Variants in MYO1E observed in about 807,000 individuals in gnomAD.
MYO1E encodes unconventional myosin-Ie.
MYO1E carries 68 observed loss-of-function variants against 151.1 expected under a neutral mutation model. That is an observed-to-expected ratio of 0.45 (90% CI 0.37 to 0.55). The LOEUF is 0.55. Ranked by LOEUF, MYO1E falls within the 20% of genes least tolerant of loss-of-function variation. The pLI, the probability that MYO1E is intolerant of heterozygous loss-of-function variation, is 0.00. For missense variants in MYO1E, 1,363 were observed against 1,389.3 expected (o/e 0.98, Z 0.30); for synonymous variants, 601 against 501.7 (o/e 1.20, Z -2.64).
chr15:59,143,583 C>T (rs2079423678), intron 26 of MYO1E, among the ~76,000 whole-genome samples: 1 of 152,174 alleles, frequency 6.6e-6, no homozygotes, highest in Non-Finnish European at 1.5e-5. Flanking sequence ...TGGGAAACTG[C>T]CGGTAGCTGT....
chr15:59,355,870 G>A (rs886557734), intron 1 of MYO1E, among the ~76,000 whole-genome samples: 11 of 152,062 alleles, frequency 7.2e-5, no homozygotes, highest in Middle Eastern at 3.4e-3. Flanking sequence ...CACACACCAC[G>A]ATGTCTGGCT....
intron 1 of MYO1E, among the ~76,000 whole-genome samples, chr15:59,363,078 C>T (rs1441916265): frequency 6.6e-6 from 1 of 151,630 alleles, no homozygotes; most frequent in African/African-American, 2.4e-5. Context: ...CAGGCTCACG[C>T]CATTCTCCCA....
rs373610680 is a variant in MYO1E at position 59,171,919 on chromosome 15, G to A, written c.2458C>T (p.Arg820Trp). ...CACCTGAGGGACACAGACAAGATCC[G>A]TTCTATCTCGATTTTCCGCTTCAGG... Reference protein sequence around the residue: ...EVLKRKIEIERILSVSLSTMQ... With the variant: ...EVLKRKIEIEWILSVSLSTMQ... The change falls in exon 22 of 28, where the codon CGG becomes TGG. Residue 820 changes from arginine to tryptophan, a missense_variant. Physicochemically the swap from Arg to Trp is moderately radical, Grantham distance 101 (BLOSUM62 -3). Transcript: ENST00000288235. 19 of 1,614,076 alleles carry A rather than the reference G, an allele frequency of 1.2e-5. No individual in the cohort carries two copies. Among genetic ancestry groups the A allele is most frequent in the African/African-American group, 6.7e-5 (5 of 74,930 alleles).
chr15:59,183,112 C>T (rs1468459890), intron 18 of MYO1E, among the ~76,000 whole-genome samples: 1 of 151,952 alleles, frequency 6.6e-6, no homozygotes, highest in Non-Finnish European at 1.5e-5. Context: ...CCTAACAGGC[C>T]ACAGACCAGT....
Position 59,138,186 on chromosome 15 carries a change from C to T in MYO1E, c.3250+12G>A, listed in dbSNP as rs375328721. The T allele has an allele frequency of 6.2e-7, 1 of 1,613,952 alleles. No individual in the cohort carries two copies. Among genetic ancestry groups the T allele is most frequent in the Non-Finnish European group, 8.5e-7 (1 of 1,179,958 alleles). On this transcript the variant is annotated intron_variant, in intron 27 of 27. Transcript: ENST00000288235. ...TTGGGAGGCTGTCCCAGCCAACCAG[C>T]CACACACTTACCTTCTTTGATAATA... is the stretch of plus-strand genomic sequence containing the variant.
chr15:59,221,366 T>G (rs2079955159), intron 9 of MYO1E, among the ~76,000 whole-genome samples: 1 of 151,964 alleles, frequency 6.6e-6, no homozygotes, highest in Non-Finnish European at 1.5e-5. Context: ...AAGCCCCCAA[T>G]ATTGCACAAA....
rs10717159 is a variant in MYO1E, at chr15:59,324,663, G to GCC, written c.3+47833_3+47834dup. Among the ~76,000 whole-genome samples the GCC allele has an allele frequency of 1.2e-3, 177 of 148,052 alleles. 1 individual carries two copies. Among genetic ancestry groups the GCC allele is most frequent in the African/African-American group, 1.5e-3 (61 of 39,442 alleles). On this transcript the variant is annotated intron_variant, in intron 1 of 27. Coordinates refer to ENST00000288235, the MANE Select transcript of MYO1E (RefSeq NM_004998.4). ...CTCGCCGTATTTATCCCCATCCCAA[G>GCC]CCCCCCCCCCACAGAGGGCAGCATA...
At chr15:59,191,370 A>AGAGAGAGAGAGAGAG (rs1491073271) in intron 17 of MYO1E, among the ~76,000 whole-genome samples, 67 of 123,370 alleles carry the variant, frequency 5.4e-4, no homozygotes, top group African/African-American at 1.4e-3. Flanking sequence ...GAGAGAGAGA[A>AGAGAGAGAGAGAGAG]AGAAATGTCA....
At chr15:59,369,580 C>T (rs1380945263) in intron 1 of MYO1E, among the ~76,000 whole-genome samples, 1 of 152,152 alleles carries the variant, frequency 6.6e-6, no homozygotes, top group Non-Finnish European at 1.5e-5. Context: ...TTGTACTCTG[C>T]TAAACAACCT....
At chr15:59,156,250 T>A (rs1331573122) in intron 25 of MYO1E, among the ~76,000 whole-genome samples, 1 of 152,216 alleles carries the variant, frequency 6.6e-6, no homozygotes, top group Admixed American at 6.5e-5. Flanking sequence ...AGTGGTGTGA[T>A]CTCAGCTCAC....
At chr15:59,216,829 T>C (rs2079921907) in intron 10 of MYO1E, among the ~76,000 whole-genome samples, 1 of 151,578 alleles carries the variant, frequency 6.6e-6, no homozygotes, top group Non-Finnish European at 1.5e-5. Context: ...TCCCCTTAAG[T>C]GTGATCTTTG....
intron 4 of MYO1E, among the ~76,000 whole-genome samples, chr15:59,242,691 G>C (rs564818293): frequency 6.6e-6 from 1 of 152,176 alleles, no homozygotes; most frequent in Non-Finnish European, 1.5e-5. Flanking sequence ...ATGTTGTCAT[G>C]ATCTGAGAAT....
At position 59,173,493 on chromosome 15, in the gene MYO1E, C is replaced by T. The variant is rs183289322; in HGVS notation, c.2334+253G>A. On this transcript the variant is annotated intron_variant, in intron 21 of 27. Transcript: ENST00000288235. Reference sequence around the variant, plus strand: ...ATAAAACAGCATGTAATGTATATCTCATTTTTTGTAAAACTAAATACGCAA... The same window carrying T: ...ATAAAACAGCATGTAATGTATATCTTATTTTTTGTAAAACTAAATACGCAA... 3.5e-4 allele frequency among the ~76,000 whole-genome samples: 53 copies of T among 152,292 alleles called. No individual in the cohort carries two copies. In the East Asian group the frequency reaches 6.7e-3, roughly 19 times the overall value.
At chr15:59,296,065 T>C (rs1217892117) in intron 1 of MYO1E, among the ~76,000 whole-genome samples, 2 of 152,034 alleles carry the variant, frequency 1.3e-5, no homozygotes, top group African/African-American at 4.8e-5. Context: ...TTTCTAAGCA[T>C]ACTAAAAGGT....
Position 59,153,735 on chromosome 15 carries a change from C to T in MYO1E, c.2935G>A (p.Gly979Arg), listed in dbSNP as rs1160727208. 4.3e-6 allele frequency: 7 copies of T among 1,614,016 alleles called. No individual in the cohort carries two copies. The highest frequency in any genetic ancestry group is 1.7e-5 in the Admixed American group (1 of 59,998). The change falls in exon 26 of 28, where the codon GGA becomes AGA. Residue 979 changes from glycine (G) to arginine (R), a missense_variant. Coordinates refer to ENST00000288235, the MANE Select transcript of MYO1E (RefSeq NM_004998.4). ...CTTTTCTGATTGGACCTCTGGCTTC[C>T]AGGAGCATGGGGATATGGCACATAC... ...NQYVPYPHAP[G>R]SQRSNQKSLY...
intron 4 of MYO1E, among the ~76,000 whole-genome samples, chr15:59,244,914 T>C (rs549054831): frequency 1.3e-5 from 2 of 152,314 alleles, no homozygotes; most frequent in African/African-American, 4.8e-5. Context: ...CCTTGGCTGA[T>C]GATAAAGGAA....
At chr15:59,158,242 G>C in intron 25 of MYO1E, 45 bp downstream of exon 25, 1 of 1,424,464 alleles carries the variant, frequency 7.0e-7, no homozygotes, top group South Asian at 1.2e-5. Context: ...ATAAGTTATG[G>C]GTCCAGATTT....
chr15:59,216,472 G>C (rs1170874140), intron 10 of MYO1E, among the ~76,000 whole-genome samples: 33 of 150,466 alleles, frequency 2.2e-4, no homozygotes, highest in African/African-American at 6.6e-4. Flanking sequence ...AGAGGCTACA[G>C]TGATTAACAG....
intron 1 of MYO1E, among the ~76,000 whole-genome samples, chr15:59,309,347 A>C (rs2080535629): frequency 6.6e-6 from 1 of 152,204 alleles, no homozygotes; most frequent in Non-Finnish European, 1.5e-5. Context: ...TACAACCCCC[A>C]AAAAAGCAAC....
Sources: gnomAD v4.1 joint callset for allele counts (sites outside exome capture counted in the v4.1 genomes callset) on GRCh38, gnomAD v4.1.1 for gene constraint, MANE v1.5 for transcripts, NCBI Gene and HGNC (gene_info 2026-07-23, HGNC 2026-07-21) for gene names.